DTX4: variants seen among roughly 807,000 people sequenced by gnomAD.
DTX4 encodes E3 ubiquitin-protein ligase DTX4.
In DTX4, 28 loss-of-function variants were observed where a neutral mutation model predicts 57.6. The observed-to-expected ratio is 0.49, with a 90% CI of 0.36 to 0.67. The LOEUF (loss-of-function observed/expected upper bound fraction) is 0.67, where lower values mean the gene tolerates loss of function less well. Among genes scored for constraint, DTX4 ranks in the 30% least tolerant of loss-of-function variants. The pLI is 0.00. For synonymous variants in DTX4, 316 were observed against 331.0 expected, an observed-to-expected ratio of 0.95 and a Z score of 0.49; for missense variants, 715 against 836.8, an observed-to-expected ratio of 0.85 and a Z score of 1.80.
At chr11:59,186,380 A>G (rs915982913) in intron 2 of DTX4, among the ~76,000 whole-genome samples, 3 of 152,176 alleles carry the variant, frequency 2.0e-5, no homozygotes. Flanking sequence ...CCCAGATCAC[A>G]GCTACTTATC....
At chr11:59,185,058 G>A (rs1398394990) in intron 2 of DTX4, among the ~76,000 whole-genome samples, 1 of 152,200 alleles carries the variant, frequency 6.6e-6, no homozygotes, top group African/African-American at 2.4e-5. Flanking sequence ...GGAGGAGTGG[G>A]ATGAAGAGAA....
At chr11:59,175,444 G>A (rs1165177868) in intron 1 of DTX4, among the ~76,000 whole-genome samples, 1 of 152,174 alleles carries the variant, frequency 6.6e-6, no homozygotes, top group African/African-American at 2.4e-5. Flanking sequence ...GAGATGGCTG[G>A]GAGGTCCCAG....
chr11:59,184,401 C>G (rs1239855442), intron 2 of DTX4, among the ~76,000 whole-genome samples: 2 of 151,864 alleles, frequency 1.3e-5, no homozygotes, highest in African/African-American at 4.9e-5. Flanking sequence ...TTACAGTTGT[C>G]TTAAGTTCAA....
At chr11:59,177,150 C>A (rs1185512833) in intron 1 of DTX4, among the ~76,000 whole-genome samples, 1 of 152,158 alleles carries the variant, frequency 6.6e-6, no homozygotes, top group Non-Finnish European at 1.5e-5. Flanking sequence ...CTTATTTGGG[C>A]ACCTAATAGG....
At position 59,206,274 on chromosome 11, in the gene DTX4, T is replaced by C. The variant is rs1688800135; in HGVS notation, c.*1365T>C. 1 of 152,456 alleles carries C rather than the reference T, an allele frequency of 6.6e-6. No individual in the cohort carries two copies. The highest frequency in any genetic ancestry group is 2.4e-5 in the African/African-American group (1 of 41,364). The allele number at this position is 152,456 out of a possible 1,614,324, so 9.4% of individuals were successfully genotyped here. A position where few individuals can be genotyped will look rare whatever the true frequency, so the allele number is the denominator to read the frequency against. On this transcript the variant is annotated 3_prime_UTR_variant, in exon 9 of 9. Coordinates refer to ENST00000227451, the MANE Select transcript of DTX4 (RefSeq NM_015177.2). ...TCCTAATGGAGTTGGGATCACAATA[T>C]GGTCTGGTCCAATCTGCATCTTGTT...
chr11:59,189,064 T>A lies in DTX4; in HGVS notation c.998-98T>A, dbSNP rs1165362607. ...TCCAGGAATTATGAGAACTTTCTGC[T>A]GGAAAGGAGGAGAGTAGGTTAATGG... On this transcript the variant is annotated intron_variant, in intron 3 of 8. Transcript: ENST00000227451. The A allele has an allele frequency of 4.9e-6, 7 of 1,430,302 alleles. No homozygotes were observed. In the East Asian group the frequency reaches 1.4e-4, roughly 29 times the overall value. 88.6% of individuals were successfully genotyped at this position (1,430,302 alleles called of 1,614,324 possible). A position where few individuals can be genotyped will look rare whatever the true frequency, so the allele number is the denominator to read the frequency against.
intron 8 of DTX4, among the ~76,000 whole-genome samples, chr11:59,201,505 C>T (rs1158293447): frequency 1.3e-5 from 2 of 152,320 alleles, no homozygotes; most frequent in East Asian, 1.9e-4. Context: ...CTTCCACTCA[C>T]CCTTCACAGG....
chr11:59,200,042 G>C (rs1344840568), intron 8 of DTX4, among the ~76,000 whole-genome samples: 1 of 152,174 alleles, frequency 6.6e-6, no homozygotes, highest in African/African-American at 2.4e-5. Context: ...ATGAAACTGG[G>C]TAATTTATGA....
chr11:59,189,155 C>A lies in DTX4; in HGVS notation c.998-7C>A. ...GTCTTTCCTCACCCATGCCCTGCCC[C>A]TTCCAGGAATCACTGGGATCCTCAT... On this transcript the variant is annotated splice_polypyrimidine_tract_variant and splice_region_variant and intron_variant, in intron 3 of 8. Coordinates refer to ENST00000227451, the MANE Select transcript of DTX4 (RefSeq NM_015177.2). 6.2e-7 allele frequency: 1 copy of A among 1,613,010 alleles called. No individual in the cohort carries two copies.
chr11:59,202,292 C>G (rs1374814624), intron 8 of DTX4, among the ~76,000 whole-genome samples: 1 of 152,166 alleles, frequency 6.6e-6, no homozygotes, highest in Non-Finnish European at 1.5e-5. Flanking sequence ...GAAGCCAGAC[C>G]AGCCTGGGTT....
chr11:59,195,123 C>T (rs2135523298), intron 6 of DTX4, 85 bp from the exon 7 acceptor site: 7 of 1,453,346 alleles, frequency 4.8e-6, no homozygotes, highest in Non-Finnish European at 6.8e-6. Context: ...CCTGGCCCTT[C>T]ATCTCTGGTA....
chr11:59,193,955 T>A (rs1049178516), intron 6 of DTX4, among the ~76,000 whole-genome samples: 5 of 152,152 alleles, frequency 3.3e-5, no homozygotes, highest in African/African-American at 1.2e-4. Context: ...CACACGTTGC[T>A]CCCAGCCCAT....
intron 1 of DTX4, among the ~76,000 whole-genome samples, chr11:59,173,680 G>C (rs1388696007): frequency 6.6e-6 from 1 of 152,086 alleles, no homozygotes; most frequent in East Asian, 1.9e-4. Flanking sequence ...CTTTTCATGA[G>C]AATCAAGTTG....
chr11:59,191,239 C>A, intron 5 of DTX4, 64 bp downstream of exon 5: 1 of 1,491,512 alleles, frequency 6.7e-7, no homozygotes, highest in Non-Finnish European at 9.1e-7. Flanking sequence ...TCCTCTTCTG[C>A]TGTTGGTTTC....
chr11:59,180,121 C>T (rs1862445381), intron 1 of DTX4, among the ~76,000 whole-genome samples: 1 of 152,114 alleles, frequency 6.6e-6, no homozygotes, highest in South Asian at 2.1e-4. Flanking sequence ...CCTTTGAAGT[C>T]ACTACCCAGG....
rs3837398 is a variant in DTX4, at chr11:59,206,509, G to GTATATATATATA, written c.*1610_*1621dup. ...ATACCTCATGTTTTGGGGGTTTGAC[G>GTATATATATATA]TATATATATATATATATATATGCAT... On this transcript the variant is annotated 3_prime_UTR_variant, in exon 9 of 9. Coordinates refer to ENST00000227451, the MANE Select transcript of DTX4 (RefSeq NM_015177.2). 197 of 142,244 alleles carry GTATATATATATA rather than the reference G, an allele frequency of 1.4e-3. No homozygotes were observed. Among genetic ancestry groups the GTATATATATATA allele is most frequent in the African/African-American group, 4.4e-3 (166 of 37,986 alleles). 8.8% of individuals were successfully genotyped at this position (142,244 alleles called of 1,614,324 possible).
Position 59,204,933 on chromosome 11 carries a change from AG to A in DTX4, c.*28del. On this transcript the variant is annotated 3_prime_UTR_variant, in exon 9 of 9. Transcript: ENST00000227451. Reference sequence around the variant, plus strand: ...GAGGCCAGAAAAGCTTTGAGGTGGGAGGGGCCATGGAGACTGCAGGACAGGA... The same window carrying A: ...GAGGCCAGAAAAGCTTTGAGGTGGGAGGGCCATGGAGACTGCAGGACAGGA... The A allele has an allele frequency of 6.4e-7, 1 of 1,551,670 alleles. No homozygotes were observed. Among genetic ancestry groups the A allele is most frequent in the Non-Finnish European group, 8.7e-7 (1 of 1,144,558 alleles).
intron 6 of DTX4, among the ~76,000 whole-genome samples, 174 bp downstream of exon 6, chr11:59,192,424 A>G (rs1429702980): frequency 6.6e-6 from 1 of 152,138 alleles, no homozygotes; most frequent in Non-Finnish European, 1.5e-5. Flanking sequence ...TTACTAAATT[A>G]CAGTGCTGGT....
In DTX4 at chr11:59,182,286, C is replaced by G. The variant is rs753764274; in HGVS notation, c.759C>G (p.Ala253=). 26 of 1,612,430 alleles carry G rather than the reference C, an allele frequency of 1.6e-5. No individual in the cohort carries two copies. Among genetic ancestry groups the G allele is most frequent in the Middle Eastern group, 3.3e-4 (2 of 6,062 alleles). The change falls in exon 2 of 9, where the codon GCC becomes GCG. Residue 253 remains alanine (A), a synonymous_variant. Transcript: ENST00000227451. ...CCATTCGAGGCCCACTGAAGACCGCCCCATCGCAGGTGATCCGGAGACAAG... is the reference window on the plus strand; with the variant it reads ...CCATTCGAGGCCCACTGAAGACCGCGCCATCGCAGGTGATCCGGAGACAAG... ...TGTIRGPLKT[A]PSQVIRRQAS... is the part of the protein sequence containing the mutation.
Sources: gnomAD v4.1 joint callset for allele counts (sites outside exome capture counted in the v4.1 genomes callset) on GRCh38, gnomAD v4.1.1 for gene constraint, MANE v1.5 for transcripts, NCBI Gene and HGNC (gene_info 2026-07-23, HGNC 2026-07-21) for gene names.